The following PP2D1 variants were observed in gnomAD, a reference collection of about 807,000 sequenced individuals.
PP2D1 encodes the protein protein phosphatase 2C-like domain-containing protein 1.
A neutral mutation model predicts 30.2 loss-of-function variants in PP2D1; 25 were observed. That is an observed-to-expected ratio of 0.83 (90% CI 0.60 to 1.16). PP2D1 has a LOEUF of 1.16. Among genes scored for constraint, PP2D1 ranks in the 50% most tolerant of loss-of-function variants. PP2D1 has a pLI of 0.00. For missense variants in PP2D1, 760 were observed against 742.4 expected (o/e 1.02, Z -0.28); for synonymous variants, 260 against 258.9 (o/e 1.00, Z -0.04).
chr3:20,011,754 G>A (rs1002262871), intron 1 of PP2D1, among the ~76,000 whole-genome samples: 7 of 152,034 alleles, frequency 4.6e-5, no homozygotes, highest in East Asian at 1.9e-4. Flanking sequence ...AGCCGAGATC[G>A]CGCCATTGCA....
intron 2 of PP2D1, among the ~76,000 whole-genome samples, chr3:19,992,854 G>A (rs1213424696): frequency 6.6e-6 from 1 of 152,156 alleles, no homozygotes; most frequent in Non-Finnish European, 1.5e-5. Context: ...AGGGAAGGGG[G>A]CTTCAGGTGG....
Position 19,985,647 on chromosome 3 carries a change from G to A in PP2D1, c.1626C>T (p.Tyr542=), listed in dbSNP as rs1003776671. ...ENLSDSNYSK[Y]CIYNPENVET... ...CTACATTCTCAGGGTTATAAATACA[G>A]TATTTAGAATAGTTTGAATCGGATA... The change falls in exon 3 of 3, where the codon TAC becomes TAT. Residue 542 remains tyrosine, a synonymous_variant. Transcript: ENST00000389050. 2.6e-6 allele frequency: 4 copies of A among 1,535,732 alleles called. No individual in the cohort carries two copies. Among genetic ancestry groups the A allele is most frequent in the Non-Finnish European group, 3.5e-6 (4 of 1,146,682 alleles).
At chr3:19,990,562 C>A (rs1297034481) in intron 2 of PP2D1, among the ~76,000 whole-genome samples, 2 of 152,188 alleles carry the variant, frequency 1.3e-5, no homozygotes. Flanking sequence ...GGGTGAGATT[C>A]ATCAGGAAGA....
Position 20,001,313 on chromosome 3 carries a change from T to G in PP2D1, c.807A>C (p.Ile269=), listed in dbSNP as rs1328825920. 1.3e-6 allele frequency: 2 copies of G among 1,535,570 alleles called. No individual in the cohort carries two copies. Among genetic ancestry groups the G allele is most frequent in the African/African-American group, 2.7e-5 (2 of 73,044 alleles). ...YAAIEDLFSA[I]NKTEAVRCEY... ...CACACCTCACTGCTTCTGTTTTGTT[T>G]ATGGCAGAAAAGAGGTCTTCTATTG... Residue 269 remains isoleucine (I), a synonymous_variant, in exon 2 of 3, where the codon ATA becomes ATC. Transcript: ENST00000389050.
downstream of PP2D1, chr3:19,983,665 A>G (rs1559494517): frequency 7.9e-7 from 1 of 1,266,026 alleles, no homozygotes; most frequent in Non-Finnish European, 1.1e-6. Flanking sequence ...TGATATTAAT[A>G]TGAGTATTCA....
intron 1 of PP2D1, among the ~76,000 whole-genome samples, chr3:20,009,828 C>T (rs1023557899): frequency 1.3e-5 from 2 of 152,138 alleles, no homozygotes; most frequent in Admixed American, 1.3e-4. Flanking sequence ...TTCCATGAAG[C>T]GTACAACTGT....
In PP2D1 at chr3:20,001,649, G is replaced by A; in HGVS notation, c.471C>T (p.Val157=). The A allele has an allele frequency of 6.5e-7, 1 of 1,536,090 alleles. No homozygotes were observed. The highest frequency in any genetic ancestry group is 1.4e-5 in the African/African-American group (1 of 73,130). The change falls in exon 2 of 3, where the codon GTC becomes GTT. Residue 157 remains valine, a synonymous_variant. Transcript: ENST00000389050. The stretch of plus-strand genomic sequence containing the variant: ...GATGACATATTTTTTGAGAATATAT[G>A]ACACTCCTGTCAATGTTATCAAAAA... The part of the protein sequence containing the change: ...YKIFDNIDRS[V]IYSQKICHLL...
intron 2 of PP2D1, among the ~76,000 whole-genome samples, chr3:19,998,879 T>C (rs1305226622): frequency 2.0e-5 from 3 of 152,212 alleles, no homozygotes; most frequent in Non-Finnish European, 2.9e-5. Context: ...TTTAAAGTTC[T>C]TTCTTACAGA....
intron 1 of PP2D1, among the ~76,000 whole-genome samples, chr3:20,002,370 G>T (rs907488770): frequency 5.3e-5 from 8 of 152,142 alleles, no homozygotes; most frequent in Admixed American, 4.6e-4. Context: ...TTTTACCTTA[G>T]ACATGCGAAA....
chr3:20,011,656 G>A (rs553255616), intron 1 of PP2D1, among the ~76,000 whole-genome samples: 74 of 152,010 alleles, frequency 4.9e-4, no homozygotes, highest in Middle Eastern at 3.4e-3. Context: ...AAAATTAGCC[G>A]GGCATGGTGG....
intron 2 of PP2D1, among the ~76,000 whole-genome samples, chr3:19,997,661 C>T (rs2125142426): frequency 6.6e-6 from 1 of 152,260 alleles, no homozygotes; most frequent in Non-Finnish European, 1.5e-5. Flanking sequence ...TATAAGTACA[C>T]AACGGAATAC....
At chr3:19,996,612 A>G (rs1463259202) in intron 2 of PP2D1, among the ~76,000 whole-genome samples, 4 of 152,214 alleles carry the variant, frequency 2.6e-5, no homozygotes, top group Non-Finnish European at 5.9e-5. Flanking sequence ...TACCAAAATC[A>G]GAAAACACAC....
downstream of PP2D1, chr3:19,984,320 C>T (rs1369831451): frequency 2.4e-6 from 1 of 410,208 alleles, no homozygotes; most frequent in Non-Finnish European, 4.8e-6. Flanking sequence ...GTACATTCCA[C>T]ATTTTAATAA....
chr3:20,005,366 C>T (rs1001336915), intron 1 of PP2D1, among the ~76,000 whole-genome samples: 6 of 151,858 alleles, frequency 4.0e-5, no homozygotes, highest in Non-Finnish European at 7.4e-5. Flanking sequence ...TGGTTAGGCT[C>T]GTCTTGAACT....
chr3:19,982,072 T>C (rs1696939442), downstream of PP2D1, among the ~76,000 whole-genome samples: 1 of 151,080 alleles, frequency 6.6e-6, no homozygotes, highest in Admixed American at 6.6e-5. Context: ...CAAGACCCTA[T>C]CTCTACCAAA....
rs1199302448 is a variant in PP2D1, at chr3:20,001,135, G to A, written c.985C>T (p.His329Tyr). 6 of 1,443,390 alleles carry A rather than the reference G, an allele frequency of 4.2e-6. No homozygotes were observed. Among genetic ancestry groups the A allele is most frequent in the East Asian group, 2.5e-5 (1 of 40,050 alleles). The allele number at this position is 1,443,390 out of a possible 1,614,324, so 89.4% of individuals were successfully genotyped here. A position where few individuals can be genotyped will look rare whatever the true frequency, so the allele number is the denominator to read the frequency against. The change falls in exon 2 of 3, where the codon CAT (histidine) becomes TAT (tyrosine). Residue 329 changes from histidine to tyrosine, a missense_variant. Physicochemically the swap from His to Tyr is moderately conservative, Grantham distance 83. Coordinates refer to ENST00000389050, the MANE Select transcript of PP2D1 (RefSeq NM_001252657.2). ...LEGKPKSPYA[H>Y]KNWKRKNTHD... is the part of the protein sequence containing the mutation. Reference sequence around the variant, plus strand: ...GTATTTTTTCTTTTCCAATTCTTATGAGCATAAGGACTTTTAGGTTTGCCT... The same window carrying A: ...GTATTTTTTCTTTTCCAATTCTTATAAGCATAAGGACTTTTAGGTTTGCCT...
chr3:19,990,879 A>G (rs866097279), intron 2 of PP2D1, among the ~76,000 whole-genome samples: 2 of 151,828 alleles, frequency 1.3e-5, no homozygotes, highest in Non-Finnish European at 2.9e-5. Flanking sequence ...TAGTCTGGAG[A>G]AGTGGAGAGG....
chr3:20,011,864 G>C (rs1697392182), intron 1 of PP2D1, among the ~76,000 whole-genome samples, 186 bp downstream of exon 1: 1 of 151,918 alleles, frequency 6.6e-6, no homozygotes, highest in African/African-American at 2.4e-5. Context: ...ATCAGAATAA[G>C]AGCATAGAGA....
chr3:20,005,148 T>A (rs1361460050), intron 1 of PP2D1, among the ~76,000 whole-genome samples: 53 of 115,256 alleles, frequency 4.6e-4, no homozygotes, highest in Middle Eastern at 5.1e-3. Flanking sequence ...TATACATTTT[T>A]TTTTTTAAAT....
Sources: gnomAD v4.1 joint callset for allele counts (sites outside exome capture counted in the v4.1 genomes callset) on GRCh38, gnomAD v4.1.1 for gene constraint, MANE v1.5 for transcripts, NCBI Gene and HGNC (gene_info 2026-07-23, HGNC 2026-07-21) for gene names.